RASSF8: variants seen among roughly 807,000 people sequenced by gnomAD.
RASSF8 encodes the protein ras association domain-containing protein 8.
Under a neutral mutation model 48.5 loss-of-function variants are expected in RASSF8, and 22 were observed. That is an observed-to-expected ratio of 0.45 (90% CI 0.32 to 0.65). The LOEUF is 0.65. Among genes scored for constraint, RASSF8 ranks in the 30% least tolerant of loss-of-function variants. RASSF8 has a pLI of 0.03. For synonymous variants in RASSF8, 127 were observed against 171.5 expected (o/e 0.74, Z 2.03); for missense variants, 418 against 489.2 (o/e 0.85, Z 1.37).
Position 26,069,722 on chromosome 12 carries a change from A to C in RASSF8, c.*904A>C. On this transcript the variant is annotated 3_prime_UTR_variant, in exon 6 of 6. Transcript: ENST00000689635. ...GAAAGCTGGGTTGGTCTACTTCAGG[A>C]ACATTGCTTTAAGTGATGTATTTTA... 1 of 985,420 alleles carries C rather than the reference A, an allele frequency of 1.0e-6. No homozygotes were observed. The highest frequency in any genetic ancestry group is 1.2e-6 in the Non-Finnish European group (1 of 829,916). 61.0% of individuals were successfully genotyped at this position (985,420 alleles called of 1,614,324 possible). A position where few individuals can be genotyped will look rare whatever the true frequency, so the allele number is the denominator to read the frequency against.
At chr12:25,989,330 C>T (rs951444638) in intron 1 of RASSF8, among the ~76,000 whole-genome samples, 1 of 152,174 alleles carries the variant, frequency 6.6e-6, no homozygotes, top group Non-Finnish European at 1.5e-5. Flanking sequence ...GTTTCTACTA[C>T]TAGTGTGTTT....
intron 2 of RASSF8, among the ~76,000 whole-genome samples, chr12:26,054,487 G>T (rs1228549328): frequency 6.6e-6 from 1 of 152,166 alleles, no homozygotes; most frequent in Non-Finnish European, 1.5e-5. Context: ...ATGAGAAAAG[G>T]ATAAACAGTT....
At chr12:26,044,699 A>C (rs1943335693) in intron 2 of RASSF8, among the ~76,000 whole-genome samples, 1 of 152,198 alleles carries the variant, frequency 6.6e-6, no homozygotes, top group South Asian at 2.1e-4. Context: ...ATTTACAATA[A>C]ATATCAGGTA....
chr12:26,063,877 G>A (rs1186918216), intron 3 of RASSF8, among the ~76,000 whole-genome samples: 1 of 151,966 alleles, frequency 6.6e-6, no homozygotes, highest in Non-Finnish European at 1.5e-5. Context: ...TGTCATGGGT[G>A]TCCAGGAAGA....
At chr12:25,967,801 T>G (rs1032458408) in intron 1 of RASSF8, among the ~76,000 whole-genome samples, 1 of 152,236 alleles carries the variant, frequency 6.6e-6, no homozygotes, top group Non-Finnish European at 1.5e-5. Flanking sequence ...GCCTCTGCTC[T>G]CTGGGGAGGA....
chr12:26,057,589 C>T (rs1205606785), intron 3 of RASSF8, among the ~76,000 whole-genome samples: 1 of 152,088 alleles, frequency 6.6e-6, no homozygotes, highest in African/African-American at 2.4e-5. Flanking sequence ...AATAAACATA[C>T]GTGTGCGTGT....
At chr12:26,006,661 A>G (rs561113322) in intron 2 of RASSF8, among the ~76,000 whole-genome samples, 2 of 152,178 alleles carry the variant, frequency 1.3e-5, no homozygotes, top group Non-Finnish European at 2.9e-5. Context: ...CCAGAATAAC[A>G]GTTTAAACCA....
chr12:26,041,054 AT>A (rs10714072), intron 2 of RASSF8, among the ~76,000 whole-genome samples: 89,919 of 148,828 alleles, frequency 0.6, 27,330 homozygotes, highest in Non-Finnish European at 0.66. Context: ...CGCCTGGTTA[AT>A]TTTTTTTTTT....
At chr12:26,004,406 T>G (rs1467367808) in intron 2 of RASSF8, among the ~76,000 whole-genome samples, 1 of 152,176 alleles carries the variant, frequency 6.6e-6, no homozygotes, top group Non-Finnish European at 1.5e-5. Context: ...TAGTCTACAG[T>G]TGACCTTGCA....
intron 3 of RASSF8, among the ~76,000 whole-genome samples, chr12:26,055,940 C>A (rs1943593277): frequency 2.0e-5 from 3 of 152,122 alleles, no homozygotes; most frequent in African/African-American, 7.2e-5. Flanking sequence ...AATCCCAGCA[C>A]TTTGGGAGGC....
Position 26,069,615 on chromosome 12 carries a change from T to A in RASSF8, c.*797T>A, listed in dbSNP as rs1248377743. ...ACAGGCATGGGGTTTCCTGATACAT[T>A]ATGTGTTTTGTTTCTGCCCTGTCTT... On this transcript the variant is annotated 3_prime_UTR_variant, in exon 6 of 6. Transcript: ENST00000689635. 12 of 985,426 alleles carry A rather than the reference T, an allele frequency of 1.2e-5. No individual in the cohort carries two copies. The highest frequency in any genetic ancestry group is 1.4e-5 in the Non-Finnish European group (12 of 829,922). The allele number at this position is 985,426 out of a possible 1,614,324, so 61.0% of individuals were successfully genotyped here. A position where few individuals can be genotyped will look rare whatever the true frequency, so the allele number is the denominator to read the frequency against.
chr12:26,000,625 C>A (rs929027023), intron 2 of RASSF8, among the ~76,000 whole-genome samples: 1 of 152,040 alleles, frequency 6.6e-6, no homozygotes, highest in East Asian at 1.9e-4. Context: ...TTCTACAAAC[C>A]TAGATGGTAT....
At chr12:25,981,063 C>A (rs535799172) in intron 1 of RASSF8, among the ~76,000 whole-genome samples, 4 of 152,152 alleles carry the variant, frequency 2.6e-5, no homozygotes, top group Non-Finnish European at 5.9e-5. Context: ...GGGTCGGATG[C>A]GTCCTGGTTT....
chr12:25,969,088 G>T (rs1941424732), intron 1 of RASSF8, among the ~76,000 whole-genome samples: 1 of 152,230 alleles, frequency 6.6e-6, no homozygotes, highest in South Asian at 2.1e-4. Context: ...GCAAAGGGCT[G>T]GAGATGAGGC....
intron 2 of RASSF8, among the ~76,000 whole-genome samples, chr12:26,053,895 C>T (rs1943546679): frequency 6.6e-6 from 1 of 152,310 alleles, no homozygotes; most frequent in Non-Finnish European, 1.5e-5. Flanking sequence ...TCTCCTTCCC[C>T]TTGCATGTGT....
chr12:26,068,827 G>A lies in RASSF8; in HGVS notation c.*9G>A. ...AAGGCATATATGTATGACATTATCT[G>A]TCTTTAGGGAGGAGACCCAACAGAG... On this transcript the variant is annotated 3_prime_UTR_variant, in exon 6 of 6. Transcript: ENST00000689635. The A allele has an allele frequency of 6.5e-7, 1 of 1,536,580 alleles. No individual in the cohort carries two copies. Among genetic ancestry groups the A allele is most frequent in the Non-Finnish European group, 8.7e-7 (1 of 1,146,536 alleles).
intron 3 of RASSF8, among the ~76,000 whole-genome samples, chr12:26,058,820 A>T (rs1463674111): frequency 6.6e-6 from 1 of 152,224 alleles, no homozygotes; most frequent in Admixed American, 6.5e-5. Context: ...TAATCTGACA[A>T]TCTTGACAGA....
chr12:25,965,390 G>A (rs1397015141), intron 1 of RASSF8, among the ~76,000 whole-genome samples: 8 of 129,532 alleles, frequency 6.2e-5, no homozygotes, highest in Non-Finnish European at 1.3e-4. Flanking sequence ...TTTTGAGACA[G>A]GGTCTTGCTC....
chr12:26,072,550 A>T lies in RASSF8; in HGVS notation c.*3732A>T, dbSNP rs1375232545. ...TATATATGGGGGGAGGGGAAAGATT[A>T]AAAAATAGATTTACAGCCAGACATG... On this transcript the variant is annotated 3_prime_UTR_variant, in exon 6 of 6. Coordinates refer to ENST00000689635, the MANE Select transcript of RASSF8 (RefSeq NM_001394098.1). The T allele has an allele frequency of 1.0e-6, 1 of 984,610 alleles. No individual in the cohort carries two copies. The highest frequency in any genetic ancestry group is 1.2e-6 in the Non-Finnish European group (1 of 829,300). The allele number at this position is 984,610 out of a possible 1,614,324, so 61.0% of individuals were successfully genotyped here.
Sources: allele counts gnomAD v4.1 joint callset (sites outside exome capture counted in the v4.1 genomes callset), GRCh38; gene constraint gnomAD v4.1.1; transcripts MANE v1.5; gene names NCBI Gene and HGNC (gene_info 2026-07-23, HGNC 2026-07-21).